Variants in NPAS3 observed in about 807,000 individuals in gnomAD.
NPAS3 encodes the protein neuronal PAS domain-containing protein 3.
NPAS3 carries 14 observed loss-of-function variants against 73.1 expected under a neutral mutation model. The observed-to-expected ratio is 0.19, with a 90% confidence interval of 0.13 to 0.30. The LOEUF is 0.30. Among genes scored for constraint, NPAS3 ranks in the 10% least tolerant of loss-of-function variants. NPAS3 has a pLI of 1.00. For missense variants in NPAS3, 1,096 were observed against 1,250.0 expected (o/e 0.88, Z 1.86); for synonymous variants, 620 against 541.5 (o/e 1.14, Z -2.01).
Position 33,639,692 on chromosome 14 carries a change from G to A in NPAS3, c.559-36519G>A, listed in dbSNP as rs1054932058. ...AGCAACCAGATTAGTGTTGGAGCAA[G>A]ATTATAAAGCTTTTCATGTTCATAT... On this transcript the variant is annotated intron_variant, in intron 5 of 11. Coordinates refer to ENST00000356141, the Ensembl canonical transcript of NPAS3. 2.6e-5 allele frequency among the ~76,000 whole-genome samples: 4 copies of A among 152,286 alleles called. No individual in the cohort carries two copies. The East Asian group carries it at 7.7e-4, about 29-fold the overall frequency.
intron 2 of NPAS3, among the ~76,000 whole-genome samples, chr14:33,207,055 C>G (rs188967421): frequency 6.2e-4 from 95 of 152,292 alleles, no homozygotes; most frequent in African/African-American, 2.0e-3. Context: ...TCCTGAATCT[C>G]TTTCTAAACT....
At chr14:33,756,879 G>A (rs558747028) in intron 7 of NPAS3, among the ~76,000 whole-genome samples, 186 of 152,298 alleles carry the variant, frequency 1.2e-3, no homozygotes, top group Non-Finnish European at 1.7e-3. Context: ...GTGCTGATTG[G>A]GTAGCCGAGA....
chr14:33,731,664 A>G lies in NPAS3; in HGVS notation c.734-3550A>G, dbSNP rs990170663. Among the ~76,000 whole-genome samples the G allele has an allele frequency of 1.3e-4, 20 of 152,168 alleles. 1 individual carries two copies. Among genetic ancestry groups the G allele is most frequent in the Non-Finnish European group, 1.5e-5 (1 of 68,028 alleles). Reference sequence around the variant, plus strand: ...CAACCACACCACCAGCTAGGGAATCATGAACAGATGTGGAGTAATTCAGAT... The same window carrying G: ...CAACCACACCACCAGCTAGGGAATCGTGAACAGATGTGGAGTAATTCAGAT... On this transcript the variant is annotated intron_variant, in intron 6 of 11. Coordinates refer to ENST00000356141, the Ensembl canonical transcript of NPAS3.
chr14:33,466,932 A>T (rs566146047), intron 4 of NPAS3, among the ~76,000 whole-genome samples: 196 of 152,332 alleles, frequency 1.3e-3, no homozygotes, highest in Non-Finnish European at 2.2e-3. Context: ...GATCCAAACC[A>T]TATCACTCCT....
At chr14:33,666,213 C>T (rs2059446769) in intron 5 of NPAS3, among the ~76,000 whole-genome samples, 1 of 152,194 alleles carries the variant, frequency 6.6e-6, no homozygotes, top group African/African-American at 2.4e-5. Flanking sequence ...GCTTCCCCAA[C>T]ATCCTAGGCT....
intron 4 of NPAS3, among the ~76,000 whole-genome samples, chr14:33,449,851 G>C (rs1167548506): frequency 2.0e-5 from 3 of 152,088 alleles, no homozygotes; most frequent in African/African-American, 2.4e-5. Context: ...CTTAATCAGT[G>C]ATAAAACTGC....
chr14:33,145,860 C>A (rs2044220695), intron 2 of NPAS3, among the ~76,000 whole-genome samples: 1 of 152,054 alleles, frequency 6.6e-6, no homozygotes, highest in African/African-American at 2.4e-5. Flanking sequence ...TTCCATGGAA[C>A]TGGAAATGTG....
intron 5 of NPAS3, among the ~76,000 whole-genome samples, chr14:33,619,260 C>T (rs1456790100): frequency 6.6e-6 from 1 of 151,990 alleles, no homozygotes. Flanking sequence ...ATTTAAATTT[C>T]CTATGAAATT....
At chr14:32,971,631 G>A (rs920169197) in intron 1 of NPAS3, among the ~76,000 whole-genome samples, 3 of 152,262 alleles carry the variant, frequency 2.0e-5, no homozygotes, top group South Asian at 2.1e-4. Flanking sequence ...GTGATGTTTT[G>A]TGAGCTCCAT....
chr14:33,408,513 A>G (rs1291462791), intron 4 of NPAS3, among the ~76,000 whole-genome samples: 1 of 152,088 alleles, frequency 6.6e-6, no homozygotes, highest in African/African-American at 2.4e-5. Context: ...GTATATCTGG[A>G]GGCCATTGGC....
In NPAS3 at chr14:33,720,883, T is replaced by A. The variant is rs956884; in HGVS notation, c.734-14331T>A. On this transcript the variant is annotated intron_variant, in intron 6 of 11. Coordinates refer to ENST00000356141, the Ensembl canonical transcript of NPAS3. ...TTAATCCATGGGGTGATCTTCAGAC[T>A]TCAGGAAAAAAAATAACAGCCTGGG... is the stretch of plus-strand genomic sequence containing the variant. Among the ~76,000 whole-genome samples the A allele has an allele frequency of 2.1e-3, 318 of 151,924 alleles. 3 individuals carry two copies. Among genetic ancestry groups the A allele is most frequent in the Non-Finnish European group, 5.4e-4 (37 of 67,918 alleles).
intron 6 of NPAS3, 49 bp from the exon 7 acceptor site, chr14:33,735,165 G>A (rs1339859299): frequency 1.5e-6 from 2 of 1,305,782 alleles, no homozygotes; most frequent in Non-Finnish European, 2.2e-6. Context: ...GCTGTGAGGG[G>A]CTGTGTCAAG....
chr14:33,161,939 C>A (rs1309648902), intron 2 of NPAS3, among the ~76,000 whole-genome samples: 1 of 152,186 alleles, frequency 6.6e-6, no homozygotes, highest in Non-Finnish European at 1.5e-5. Flanking sequence ...GCTGAGGAGC[C>A]AGGTCTTAGA....
At chr14:33,517,048 C>A (rs952478860) in intron 4 of NPAS3, among the ~76,000 whole-genome samples, 2 of 152,020 alleles carry the variant, frequency 1.3e-5, no homozygotes, top group Non-Finnish European at 2.9e-5. Context: ...TTAAACAGTT[C>A]TGACATGGTT....
intron 3 of NPAS3, among the ~76,000 whole-genome samples, chr14:33,346,685 G>A (rs1283843994): frequency 2.0e-5 from 3 of 152,138 alleles, no homozygotes; most frequent in East Asian, 1.9e-4. Flanking sequence ...AAAGTGTTAA[G>A]CAGAGCTTGA....
chr14:33,548,376 G>T (rs184807222), intron 4 of NPAS3, among the ~76,000 whole-genome samples: 2 of 152,256 alleles, frequency 1.3e-5, no homozygotes, highest in Admixed American at 1.3e-4. Context: ...AAAAGAGTGG[G>T]TAAATAATCA....
rs183901555 is a variant in NPAS3 at position 33,212,815 on chromosome 14, A to G, written c.141-2367A>G. Among the ~76,000 whole-genome samples, 3 of 152,330 alleles carry G rather than the reference A, an allele frequency of 2.0e-5. No homozygotes were observed. The East Asian group carries it at 5.8e-4, about 29-fold the overall frequency. On this transcript the variant is annotated intron_variant, in intron 2 of 11. Coordinates refer to ENST00000356141, the Ensembl canonical transcript of NPAS3. The stretch of plus-strand genomic sequence containing the variant: ...TATTACATAAGTAACAAATAAATAC[A>G]TTCGTGATCATTCTGAGTGACATGA...
intron 5 of NPAS3, among the ~76,000 whole-genome samples, chr14:33,633,031 A>C (rs1347952140): frequency 6.6e-6 from 1 of 152,254 alleles, no homozygotes; most frequent in Non-Finnish European, 1.5e-5. Flanking sequence ...ATCCCGTAAC[A>C]ATAAAAAATA....
Position 33,544,825 on chromosome 14 carries a change from A to ATATATTATATATATATATAAAAT in NPAS3, c.469-15293_469-15292insATTATATATATATATAAAATTAT. On this transcript the variant is annotated intron_variant, in intron 4 of 11. Coordinates refer to ENST00000356141, the Ensembl canonical transcript of NPAS3. ...ATATATATATATGTATATATAATAT[A>ATATATTATATATATATATAAAAT]TATGTGTATATATATATTATATATA... is the stretch of plus-strand genomic sequence containing the variant. Among the ~76,000 whole-genome samples the ATATATTATATATATATATAAAAT allele has an allele frequency of 5.6e-4, 63 of 112,160 alleles. 2 individuals are homozygous for ATATATTATATATATATATAAAAT. The highest frequency in any genetic ancestry group is 4.6e-3 in the Middle Eastern group (1 of 216). 73.6% of individuals were successfully genotyped at this position (112,160 alleles called of 152,430 possible). A position where few individuals can be genotyped will look rare whatever the true frequency, so the allele number is the denominator to read the frequency against.
Sources: gnomAD v4.1 joint callset for allele counts (sites outside exome capture counted in the v4.1 genomes callset) on GRCh38, gnomAD v4.1.1 for gene constraint, MANE v1.5 for transcripts, NCBI Gene and HGNC (gene_info 2026-07-23, HGNC 2026-07-21) for gene names.